FFAR3: variants seen among roughly 807,000 people sequenced by gnomAD.
The protein encoded by FFAR3 is free fatty acid receptor 3.
For synonymous variants in FFAR3, 68 were observed against 201.1 expected (o/e 0.34, Z 5.60); for missense variants, 136 against 446.5 (o/e 0.30, Z 6.27).
chr19:35,359,030 C>A lies in FFAR3; in HGVS notation c.140C>A (p.Pro47Gln). 1 of 1,611,708 alleles carries A rather than the reference C, an allele frequency of 6.2e-7. No individual in the cohort carries two copies. The highest frequency in any genetic ancestry group is 8.5e-7 in the Non-Finnish European group (1 of 1,178,344). ...TTCGTGGGCAAGCTGCAGCGCCGCC[C>A]GGTGGCCGTGGACGTGCTCCTGCTC... is the stretch of plus-strand genomic sequence containing the variant. Reference protein sequence around the residue: ...VVFVGKLQRRPVAVDVLLLNL... With the variant: ...VVFVGKLQRRQVAVDVLLLNL... Residue 47 changes from proline (P) to glutamine (Q), a missense_variant, in exon 2 of 2, where the codon CCG becomes CAG. Pro to Gln is a moderately conservative substitution (Grantham distance 76). Transcript: ENST00000327809.
Position 35,359,457 on chromosome 19 carries a change from T to C in FFAR3, c.567T>C (p.Ala189=). 1 of 1,613,814 alleles carries C rather than the reference T, an allele frequency of 6.2e-7. No individual in the cohort carries two copies. Among genetic ancestry groups the C allele is most frequent in the Non-Finnish European group, 8.5e-7 (1 of 1,179,804 alleles). ...TCCTGCCCGTGCGGCTGGAGATGGC[T>C]GTGGTCCTCTTTGTGGTCCCGCTGA... ...AILLPVRLEM[A]VVLFVVPLII... is the part of the protein sequence containing the mutation. Residue 189 remains alanine, a synonymous_variant, in exon 2 of 2, where the codon GCT becomes GCC. Transcript: ENST00000327809.
upstream of FFAR3, chr19:35,358,346 G>A (rs2066973534): frequency 2.1e-6 from 1 of 474,500 alleles, no homozygotes; most frequent in Non-Finnish European, 2.8e-6. Flanking sequence ...CCATTCTAGA[G>A]AAGCAGACAA....
Position 35,359,854 on chromosome 19 carries a change from C to A in FFAR3, c.964C>A (p.Arg322=). ...GGGAGGGGAGGAGCAGAGAGCGGAC[C>A]GACCAGCTGAAAGAAAGACCAGTGA... is the stretch of plus-strand genomic sequence containing the variant. The part of the protein sequence containing the change: ...QKGGEEQRAD[R]PAERKTSEHS... Residue 322 remains arginine (R), a synonymous_variant, in exon 2 of 2, where the codon CGA becomes AGA. Transcript: ENST00000327809. 1.3e-6 allele frequency: 2 copies of A among 1,591,234 alleles called. No homozygotes were observed. The highest frequency in any genetic ancestry group is 1.7e-6 in the Non-Finnish European group (2 of 1,167,052).
Position 35,358,542 on chromosome 19 carries a change from G to A in FFAR3, c.-119G>A. 2.3e-6 allele frequency: 3 copies of A among 1,284,728 alleles called. No homozygotes were observed. Among genetic ancestry groups the A allele is most frequent in the East Asian group, 3.7e-5 (1 of 27,232 alleles). The allele number at this position is 1,284,728 out of a possible 1,614,324, so 79.6% of individuals were successfully genotyped here. A position where few individuals can be genotyped will look rare whatever the true frequency, so the allele number is the denominator to read the frequency against. Reference sequence around the variant, plus strand: ...TGCTCAACAGTGAGTGACGTCATGGGCACGGCCAGGTCTTTATCAGTTCTG... The same window carrying A: ...TGCTCAACAGTGAGTGACGTCATGGACACGGCCAGGTCTTTATCAGTTCTG... On this transcript the variant is annotated 5_prime_UTR_variant, in exon 1 of 2. Transcript: ENST00000327809.
chr19:35,358,512 G>A lies in FFAR3; in HGVS notation c.-149G>A. On this transcript the variant is annotated 5_prime_UTR_variant, in exon 1 of 2. Coordinates refer to ENST00000327809, the MANE Select transcript of FFAR3 (RefSeq NM_005304.5). ...GCAACGGAGCTCAAGGCATCTATGT[G>A]CCACTGCTCAACAGTGAGTGACGTC... 1.6e-6 allele frequency: 2 copies of A among 1,219,918 alleles called. No homozygotes were observed. The highest frequency in any genetic ancestry group is 4.6e-5 in the East Asian group (1 of 21,608). 75.6% of individuals were successfully genotyped at this position (1,219,918 alleles called of 1,614,324 possible).
rs138919331 is a variant in FFAR3, at chr19:35,359,031, G to A, written c.141G>A (p.Pro47=). 3,355 of 1,611,122 alleles carry A rather than the reference G, an allele frequency of 2.1e-3. 3 individuals carry two copies. The African/African-American group carries it at 0.039, about 19-fold the overall frequency. ...VVFVGKLQRR[P]VAVDVLLLNL... Reference sequence around the variant, plus strand: ...TCGTGGGCAAGCTGCAGCGCCGCCCGGTGGCCGTGGACGTGCTCCTGCTCA... The same window carrying A: ...TCGTGGGCAAGCTGCAGCGCCGCCCAGTGGCCGTGGACGTGCTCCTGCTCA... The change falls in exon 2 of 2, where the codon CCG becomes CCA. Residue 47 remains proline (P), a synonymous_variant. Coordinates refer to ENST00000327809, the MANE Select transcript of FFAR3 (RefSeq NM_005304.5).
At chr19:35,358,787 G>A in intron 1 of FFAR3, 93 bp from the exon 2 acceptor site, 1 of 1,151,942 alleles carries the variant, frequency 8.7e-7, no homozygotes, top group Non-Finnish European at 1.2e-6. Context: ...AGAGGGGTGG[G>A]CGTAGTGACC....
chr19:35,358,159 G>A (rs17272288), upstream of FFAR3, among the ~76,000 whole-genome samples: 17,239 of 152,216 alleles, frequency 0.11, 1,350 homozygotes, highest in Middle Eastern at 0.22. Flanking sequence ...GTGTTAATGC[G>A]TTGATCTATG....
upstream of FFAR3, chr19:35,358,297 A>C (rs2066973358): frequency 5.5e-6 from 1 of 181,566 alleles, no homozygotes; most frequent in African/African-American, 2.4e-5. Flanking sequence ...CTGTCATTGC[A>C]TCACACTTCC....
rs141595495 is a variant in FFAR3 at position 35,359,037 on chromosome 19, C to T, written c.147C>T (p.Ala49=). The part of the protein sequence containing the change: ...FVGKLQRRPV[A]VDVLLLNLTA... ...GCAAGCTGCAGCGCCGCCCGGTGGC[C>T]GTGGACGTGCTCCTGCTCAACCTGA... Residue 49 remains alanine (A), a synonymous_variant, in exon 2 of 2, where the codon GCC becomes GCT. Coordinates refer to ENST00000327809, the MANE Select transcript of FFAR3 (RefSeq NM_005304.5). 303 of 1,611,686 alleles carry T rather than the reference C, an allele frequency of 1.9e-4. 3 individuals are homozygous for T. In the African/African-American group the frequency reaches 3.3e-3, roughly 17 times the overall value.
At position 35,359,074 on chromosome 19, in the gene FFAR3, C is replaced by G; in HGVS notation, c.184C>G (p.Leu62Val). The stretch of plus-strand genomic sequence containing the variant: ...CCTGCTCAACCTGACCGCCTCGGAC[C>G]TGCTCCTGCTGCTGTTCCTGCCTTT... ...VLLLNLTASD[L>V]LLLLFLPFRM... The change falls in exon 2 of 2, where the codon CTG becomes GTG. Residue 62 changes from leucine (L) to valine (V), a missense_variant. Physicochemically the swap from Leu to Val is conservative, Grantham distance 32. Transcript: ENST00000327809. 1 of 1,611,570 alleles carries G rather than the reference C, an allele frequency of 6.2e-7. No individual in the cohort carries two copies. The highest frequency in any genetic ancestry group is 8.5e-7 in the Non-Finnish European group (1 of 1,178,286).
rs1407626302 is a variant in FFAR3 at position 35,359,726 on chromosome 19, C to T, written c.836C>T (p.Ser279Phe). 1 of 1,613,806 alleles carries T rather than the reference C, an allele frequency of 6.2e-7. No individual in the cohort carries two copies. Among genetic ancestry groups the T allele is most frequent in the African/African-American group, 1.3e-5 (1 of 74,924 alleles). The change falls in exon 2 of 2, where the codon TCC becomes TTC. Residue 279 changes from serine to phenylalanine, a missense_variant. Transcript: ENST00000327809. ...SCVDPFVYYF[S>F]SSGFQADFHE... ...GTCGACCCCTTTGTCTACTACTTCT[C>T]CTCCTCCGGGTTCCAAGCCGACTTT...
Position 35,358,625 on chromosome 19 carries a change from A to G in FFAR3, c.-36A>G, listed in dbSNP as rs1241447305. On this transcript the variant is annotated 5_prime_UTR_variant, in exon 1 of 2. Coordinates refer to ENST00000327809, the MANE Select transcript of FFAR3 (RefSeq NM_005304.5). ...GAGACAGCAAGGTGCTGTGCGGCAG[A>G]GCATTTGGGGTCTCAAAGAAGCAGG... is the stretch of plus-strand genomic sequence containing the variant. 2.9e-6 allele frequency: 4 copies of G among 1,373,420 alleles called. No homozygotes were observed. Among genetic ancestry groups the G allele is most frequent in the East Asian group, 2.8e-5 (1 of 36,212 alleles). The allele number at this position is 1,373,420 out of a possible 1,614,324, so 85.1% of individuals were successfully genotyped here. A position where few individuals can be genotyped will look rare whatever the true frequency, so the allele number is the denominator to read the frequency against.
At position 35,359,921 on chromosome 19, in the gene FFAR3, C is replaced by A. The variant is rs755166687; in HGVS notation, c.1031C>A (p.Ala344Asp). The change falls in exon 2 of 2, where the codon GCT becomes GAT. Residue 344 changes from alanine (A) to aspartate (D), a missense_variant. Ala to Asp is a moderately radical substitution (Grantham distance 126, BLOSUM62 -2). Coordinates refer to ENST00000327809, the MANE Select transcript of FFAR3 (RefSeq NM_005304.5). ...GGAACTGGTGGCCAGGTGGCCTGTG[C>A]TGAAAGCTAGGTCCTCCGGGGGAGG... ...GCGTGGQVACAES is the reference protein window; with the variant it reads ...GCGTGGQVACDES The A allele has an allele frequency of 2.6e-6, 4 of 1,565,078 alleles. No individual in the cohort carries two copies. Among genetic ancestry groups the A allele is most frequent in the Non-Finnish European group, 3.5e-6 (4 of 1,155,810 alleles).
rs139653427 is a variant in FFAR3, at chr19:35,359,617, G to C, written c.727G>C (p.Val243Leu). ...NFLVCFGPYN[V>L]SHVVGYICGE... ...CCTTGTCTGCTTTGGGCCCTACAAC[G>C]TGTCCCATGTCGTGGGCTATATCTG... Residue 243 changes from valine to leucine, a missense_variant, in exon 2 of 2, where the codon GTG becomes CTG. Physicochemically the swap from Val to Leu is conservative, Grantham distance 32 (BLOSUM62 1). Transcript: ENST00000327809. 6.2e-7 allele frequency: 1 copy of C among 1,614,070 alleles called. No homozygotes were observed. Among genetic ancestry groups the C allele is most frequent in the Non-Finnish European group, 8.5e-7 (1 of 1,179,876 alleles).
rs1379909651 is a variant in FFAR3 at position 35,358,987 on chromosome 19, C to G, written c.97C>G (p.Leu33Val). Residue 33 changes from leucine to valine, a missense_variant, in exon 2 of 2, where the codon CTG becomes GTG. By Grantham distance (32) the Leu-to-Val change is conservative. Transcript: ENST00000327809. ...LTFLVGLPLN[L>V]LALVVFVGKL... ...TTTCCTGGTGGGGCTCCCCCTCAAC[C>G]TGCTGGCCCTGGTGGTCTTCGTGGG... 1 of 1,611,430 alleles carries G rather than the reference C, an allele frequency of 6.2e-7. No homozygotes were observed. Among genetic ancestry groups the G allele is most frequent in the Non-Finnish European group, 8.5e-7 (1 of 1,178,298 alleles).
upstream of FFAR3, chr19:35,358,291 C>T: frequency 5.8e-6 from 1 of 171,314 alleles, no homozygotes; most frequent in Non-Finnish European, 1.2e-5. Context: ...CGCTCTCTGT[C>T]ATTGCATCAC....
At position 35,360,226 on chromosome 19, in the gene FFAR3, G is replaced by A. The variant is rs1205698158; in HGVS notation, c.*295G>A. The A allele has an allele frequency of 1.9e-6, 1 of 519,600 alleles. No homozygotes were observed. The highest frequency in any genetic ancestry group is 1.9e-5 in the African/African-American group (1 of 52,222). The allele number at this position is 519,600 out of a possible 1,614,324, so 32.2% of individuals were successfully genotyped here. ...CTCCTGTGTTTTCTTGAGGGTGGCA[G>A]AGGAGCTAAGAGCAGTGCCCAGGGT... On this transcript the variant is annotated 3_prime_UTR_variant, in exon 2 of 2. Coordinates refer to ENST00000327809, the MANE Select transcript of FFAR3 (RefSeq NM_005304.5).
rs556917621 is a variant in FFAR3 at position 35,359,104 on chromosome 19, A to G, written c.214A>G (p.Met72Val). 98 of 1,608,276 alleles carry G rather than the reference A, an allele frequency of 6.1e-5. No individual in the cohort carries two copies. The East Asian group carries it at 1.1e-3, about 19-fold the overall frequency. Residue 72 changes from methionine (M) to valine (V), a missense_variant, in exon 2 of 2, where the codon ATG becomes GTG. Transcript: ENST00000327809. ...LLLLLFLPFR[M>V]VEAANGMHWP... ...CCTGCTGCTGTTCCTGCCTTTCCGC[A>G]TGGTGGAGGCAGCCAATGGCATGCA...
Sources: gnomAD v4.1 joint callset for allele counts (sites outside exome capture counted in the v4.1 genomes callset) on GRCh38, gnomAD v4.1.1 for gene constraint, MANE v1.5 for transcripts, NCBI Gene and HGNC (gene_info 2026-07-23, HGNC 2026-07-21) for gene names.